The following TCHP variants were observed in gnomAD, a reference collection of about 807,000 sequenced individuals.
TCHP encodes trichoplein keratin filament binding.
In TCHP, 81 loss-of-function variants were observed where a neutral mutation model predicts 88.7. The observed-to-expected ratio is 0.91, with a 90% CI of 0.76 to 1.10. TCHP has a LOEUF of 1.10. Among genes scored for constraint, TCHP ranks in the 50% least tolerant of loss-of-function variants. The pLI, the probability that TCHP is intolerant of heterozygous loss-of-function variation, is 0.00. For synonymous variants in TCHP, 232 were observed against 232.5 expected, an observed-to-expected ratio of 1.00 and a Z score of 0.02; for missense variants, 641 against 632.1, an observed-to-expected ratio of 1.01 and a Z score of -0.15.
chr12:109,894,967 G>A, the TCHP span, among the ~76,000 whole-genome samples: 2 of 151,722 alleles, frequency 1.3e-5, no homozygotes, highest in Non-Finnish European at 1.5e-5. Flanking sequence ...CGAGTAGTTT[G>A]TCTTCAGCTG....
chr12:109,882,641 G>A, the TCHP span, among the ~76,000 whole-genome samples: 2 of 143,534 alleles, frequency 1.4e-5, no homozygotes, highest in Admixed American at 1.4e-4. Flanking sequence ...GTGGTGAAGA[G>A]TTTGGATTTT....
At chr12:109,909,037 A>C in intron 8 of TCHP, 100 bp downstream of exon 8, 1 of 1,156,082 alleles carries the variant, frequency 8.6e-7, no homozygotes, top group Non-Finnish European at 1.3e-6. Context: ...GAATGAAGAC[A>C]GTGAGGGGTT....
At position 109,907,683 on chromosome 12, in the gene TCHP, A is replaced by C. The variant is rs1370074651; in HGVS notation, c.683A>C (p.Lys228Thr). ...CTGCTGCAACAGATGGAGGAGCTGAAGCTGAAGGAGGTGGAGGTGGGCACA... is the reference window on the plus strand; with the variant it reads ...CTGCTGCAACAGATGGAGGAGCTGACGCTGAAGGAGGTGGAGGTGGGCACA... The part of the protein sequence containing the change: ...EALLQQMEEL[K>T]LKEVEATKLK... Residue 228 changes from lysine (K) to threonine (T), a missense_variant, in exon 6 of 13, where the codon AAG (lysine) becomes ACG (threonine). Transcript: ENST00000405876. The C allele has an allele frequency of 6.2e-7, 1 of 1,604,232 alleles. No individual in the cohort carries two copies. Among genetic ancestry groups the C allele is most frequent in the Non-Finnish European group, 8.5e-7 (1 of 1,176,184 alleles).
intron 1 of TCHP, among the ~76,000 whole-genome samples, chr12:109,902,494 G>C (rs1242995351): frequency 6.6e-6 from 1 of 151,850 alleles, no homozygotes; most frequent in African/African-American, 2.4e-5. Context: ...TGTGTTTTGA[G>C]ATGGAGTCTT....
At chr12:109,912,935 T>G in intron 9 of TCHP, 56 bp from the exon 10 acceptor site, 1 of 1,509,130 alleles carries the variant, frequency 6.6e-7, no homozygotes, top group East Asian at 2.3e-5. Context: ...GTTCCGTAGC[T>G]CGCTTCCTGC....
chr12:109,911,934 T>C (rs887767935), intron 9 of TCHP, among the ~76,000 whole-genome samples: 1 of 152,084 alleles, frequency 6.6e-6, no homozygotes, highest in Non-Finnish European at 1.5e-5. Flanking sequence ...TAGCTGGGAT[T>C]ACAGGCGCCC....
Position 109,904,913 on chromosome 12 carries a change from C to A in TCHP, c.456+120C>A. On this transcript the variant is annotated intron_variant, in intron 4 of 12. Transcript: ENST00000405876. Reference sequence around the variant, plus strand: ...AACAGAGGAGGGAACCTTGAGCCACCTGAAAAGAGCGCCAGGCAGAAGATC... The same window carrying A: ...AACAGAGGAGGGAACCTTGAGCCACATGAAAAGAGCGCCAGGCAGAAGATC... The A allele has an allele frequency of 4.8e-6, 4 of 828,632 alleles. 1 individual carries two copies. Among genetic ancestry groups the A allele is most frequent in the Non-Finnish European group, 7.6e-6 (4 of 528,414 alleles). 51.3% of individuals were successfully genotyped at this position (828,632 alleles called of 1,614,324 possible).
the TCHP span, among the ~76,000 whole-genome samples, chr12:109,893,455 G>A: frequency 2.6e-5 from 4 of 152,022 alleles, no homozygotes; most frequent in South Asian, 2.1e-4. Context: ...CTTGGGCCCA[G>A]TCCCCAGAGA....
upstream of TCHP, among the ~76,000 whole-genome samples, chr12:109,899,071 G>A (rs747873438): frequency 4.4e-4 from 67 of 152,110 alleles, no homozygotes; most frequent in Non-Finnish European, 8.5e-4. Context: ...CACCCTCCTG[G>A]GCCTCCCAAA....
At chr12:109,908,797 GGTCAGCA>G (rs1393116375) in intron 7 of TCHP, 67 bp from the exon 8 acceptor site, 8 of 1,570,496 alleles carry the variant, frequency 5.1e-6, no homozygotes, top group African/African-American at 1.4e-5. Context: ...GAGACAGCCT[GGTCAGCA>G]GTTATCTAAC....
upstream of TCHP, among the ~76,000 whole-genome samples, chr12:109,896,227 G>A (rs1466041263): frequency 2.0e-5 from 3 of 152,096 alleles, no homozygotes; most frequent in South Asian, 2.1e-4. Flanking sequence ...CATTACAGGC[G>A]TGAGCCACTG....
At chr12:109,907,098 AG>A (rs1293301241) in intron 5 of TCHP, among the ~76,000 whole-genome samples, 4 of 152,194 alleles carry the variant, frequency 2.6e-5, no homozygotes, top group African/African-American at 7.2e-5. Flanking sequence ...TCTGTTGCTC[AG>A]GCTGGTCTGG....
Position 109,903,865 on chromosome 12 carries a change from C to A in TCHP, c.189-72C>A. The A allele has an allele frequency of 7.7e-7, 1 of 1,296,012 alleles. No individual in the cohort carries two copies. 80.3% of individuals were successfully genotyped at this position (1,296,012 alleles called of 1,614,324 possible). A position where few individuals can be genotyped will look rare whatever the true frequency, so the allele number is the denominator to read the frequency against. ...ACACATCTACCTCAGCCTCTTTTAC[C>A]GACACAGCAGAGCAGAGCACGTTCC... On this transcript the variant is annotated intron_variant, in intron 2 of 12. Coordinates refer to ENST00000405876, the MANE Select transcript of TCHP (RefSeq NM_001143852.2). The surrounding 1 kb of genome is among the most constrained non-coding windows in gnomAD (Gnocchi z 4.6).
At chr12:109,901,616 C>T (rs978996685) in intron 1 of TCHP, among the ~76,000 whole-genome samples, 2 of 152,202 alleles carry the variant, frequency 1.3e-5, no homozygotes, top group Non-Finnish European at 2.9e-5. Context: ...TGGTGTCGGG[C>T]AGAGCACCCA....
In TCHP at chr12:109,906,551, T is replaced by C. The variant is rs748017019; in HGVS notation, c.457-21T>C. The C allele has an allele frequency of 3.1e-6, 5 of 1,612,232 alleles. No individual in the cohort carries two copies. The South Asian group carries it at 4.4e-5, about 14-fold the overall frequency. ...CATCTGTCTGGTGAGGAAATTCACA[T>C]CGTCCCCCTTCCATCCTCAGATGGA... is the stretch of plus-strand genomic sequence containing the variant. On this transcript the variant is annotated intron_variant, in intron 4 of 12. Transcript: ENST00000405876.
In TCHP at chr12:109,906,610, T is replaced by C. The variant is rs1442826760; in HGVS notation, c.495T>C (p.Ser165=). 8 of 1,611,578 alleles carry C rather than the reference T, an allele frequency of 5.0e-6. No homozygotes were observed. The highest frequency in any genetic ancestry group is 6.8e-6 in the Non-Finnish European group (8 of 1,179,924). The change falls in exon 5 of 13, where the codon TCT becomes TCC. Residue 165 remains serine (S), a synonymous_variant. Transcript: ENST00000405876. The part of the protein sequence containing the change: ...LDLHQKHVVN[S]WEMQKEEKKQ... ...TTCACCAGAAGCATGTCGTAAACTC[T>C]TGGGAAATGCAGAAAGAAGAAAAAA... is the stretch of plus-strand genomic sequence containing the variant.
At chr12:109,904,584 G>A (rs1456622532) in intron 3 of TCHP, among the ~76,000 whole-genome samples, 153 bp from the exon 4 acceptor site, 1 of 152,228 alleles carries the variant, frequency 6.6e-6, no homozygotes, top group African/African-American at 2.4e-5. Flanking sequence ...TCTCAGAGCT[G>A]TGCATGTGAA....
intron 4 of TCHP, among the ~76,000 whole-genome samples, chr12:109,906,310 G>A (rs912931092): frequency 2.0e-5 from 3 of 152,178 alleles, no homozygotes; most frequent in Admixed American, 2.0e-4. Context: ...GGGCTAGTGG[G>A]AGGGAAGTCT....
Position 109,913,089 on chromosome 12 carries a change from C to G in TCHP, c.1134+17C>G. ...ATGAGCGAGGTAATCCCAGCTGCGG[C>G]GATGTGGACCGGCTGTTGGGTCTTG... On this transcript the variant is annotated intron_variant, in intron 10 of 12. Coordinates refer to ENST00000405876, the MANE Select transcript of TCHP (RefSeq NM_001143852.2). The G allele has an allele frequency of 6.2e-7, 1 of 1,612,730 alleles. No individual in the cohort carries two copies. The highest frequency in any genetic ancestry group is 8.5e-7 in the Non-Finnish European group (1 of 1,179,284).
Sources: gnomAD v4.1 joint callset for allele counts (sites outside exome capture counted in the v4.1 genomes callset) on GRCh38, gnomAD v4.1.1 for gene constraint, Gnocchi (gnomAD v3.1) non-coding constraint, MANE v1.5 for transcripts, NCBI Gene and HGNC (gene_info 2026-07-23, HGNC 2026-07-21) for gene names.